CSMD3: variants seen among roughly 807,000 people sequenced by gnomAD.
The protein encoded by CSMD3 is CUB and Sushi multiple domains 3, also known as CUB and sushi domain-containing protein 3.
A neutral mutation model predicts 435.2 loss-of-function variants in CSMD3; 177 were observed. That is an observed-to-expected ratio of 0.41 (90% confidence interval 0.36 to 0.46). The LOEUF (loss-of-function observed/expected upper bound fraction) is 0.46, where lower values mean the gene tolerates loss of function less well. CSMD3 is among the 20% of genes least tolerant of loss of function. The pLI is 0.34. For missense variants in CSMD3, 4,265 were observed against 4,504.6 expected (o/e 0.95, Z 1.52); for synonymous variants, 1,656 against 1,520.5 (o/e 1.09, Z -2.07).
At chr8:112,955,407 C>T (rs934138806) in intron 7 of CSMD3, among the ~76,000 whole-genome samples, 1 of 151,640 alleles carries the variant, frequency 6.6e-6, no homozygotes, top group Admixed American at 6.6e-5. Flanking sequence ...AGTAGTTGTA[C>T]ATATTTATGG....
intron 1 of CSMD3, among the ~76,000 whole-genome samples, chr8:113,428,512 A>G (rs1248007305): frequency 6.6e-6 from 1 of 151,768 alleles, no homozygotes; most frequent in Non-Finnish European, 1.5e-5. Context: ...TCGAAAATGG[A>G]GATAACAATC....
chr8:113,134,788 G>A (rs2091372546), intron 4 of CSMD3, among the ~76,000 whole-genome samples: 2 of 151,910 alleles, frequency 1.3e-5, no homozygotes, highest in African/African-American at 2.4e-5. Context: ...ATTTTAAAAA[G>A]GGGTTTATTT....
chr8:113,157,033 T>TTCACTA (rs1339658144), intron 4 of CSMD3, among the ~76,000 whole-genome samples: 2 of 67,234 alleles, frequency 3.0e-5, no homozygotes, highest in Non-Finnish European at 4.8e-5. Context: ...AACCCATTAG[T>TTCACTA]TTACTAACAA....
At chr8:113,410,901 G>GAAAGAA (rs953415397) in intron 1 of CSMD3, among the ~76,000 whole-genome samples, 2 of 5,864 alleles carry the variant, frequency 3.4e-4, no homozygotes, top group Non-Finnish European at 6.2e-4. Context: ...AAAACCCTGT[G>GAAAGAA]AAAGAAAGAA....
intron 12 of CSMD3, among the ~76,000 whole-genome samples, chr8:112,814,025 A>G (rs947154103): frequency 6.6e-6 from 1 of 152,180 alleles, no homozygotes; most frequent in African/African-American, 2.4e-5. Flanking sequence ...TCTTGCACTT[A>G]TCAAATAGGC....
intron 1 of CSMD3, among the ~76,000 whole-genome samples, chr8:113,333,873 T>C (rs2094047694): frequency 6.6e-6 from 1 of 151,920 alleles, no homozygotes; most frequent in African/African-American, 2.4e-5. Flanking sequence ...AATTGCTGTT[T>C]CACTACAAGA....
intron 5 of CSMD3, among the ~76,000 whole-genome samples, chr8:113,027,286 C>A (rs1398784108): frequency 2.0e-5 from 3 of 151,926 alleles, no homozygotes; most frequent in Non-Finnish European, 4.4e-5. Flanking sequence ...CATGTCTGAA[C>A]AAGAATGCAT....
chr8:113,349,452 TC>T (rs2094174911), intron 1 of CSMD3, among the ~76,000 whole-genome samples: 1 of 152,050 alleles, frequency 6.6e-6, no homozygotes, highest in South Asian at 2.1e-4. Flanking sequence ...ACTATATGCC[TC>T]AAGAATATCT....
chr8:112,742,949 G>T (rs1349947513), intron 13 of CSMD3, among the ~76,000 whole-genome samples: 1 of 151,930 alleles, frequency 6.6e-6, no homozygotes, highest in African/African-American at 2.4e-5. Flanking sequence ...TTGGTTTAGT[G>T]CTTTTCTGCT....
intron 3 of CSMD3, among the ~76,000 whole-genome samples, chr8:113,224,503 A>C (rs1197215879): frequency 1.3e-5 from 2 of 151,354 alleles, no homozygotes; most frequent in Admixed American, 1.3e-4. Context: ...TTGTATTTTC[A>C]TTTAATCTAC....
intron 5 of CSMD3, among the ~76,000 whole-genome samples, chr8:113,062,348 AAT>A (rs1388647562): frequency 6.6e-6 from 1 of 151,914 alleles, no homozygotes; most frequent in African/African-American, 2.4e-5. Context: ...TTATTCAGAC[AAT>A]ATATGTGGTA....
rs1161905174 is a variant in CSMD3, at chr8:112,981,748, C to T, written c.1031-5600G>A. ...ATGTTTATATGCAAGATAAGGATCT[C>T]AAATTATGAATTGCTAGAAATTTTA... On this transcript the variant is annotated intron_variant, in intron 6 of 70. Coordinates refer to ENST00000297405, the MANE Select transcript of CSMD3 (RefSeq NM_198123.2). Among the ~76,000 whole-genome samples, 3 of 151,586 alleles carry T rather than the reference C, an allele frequency of 2.0e-5. No individual in the cohort carries two copies. The East Asian group carries it at 5.8e-4, about 29-fold the overall frequency.
At chr8:112,444,081 T>G (rs2130531705) in intron 32 of CSMD3, among the ~76,000 whole-genome samples, 1 of 152,328 alleles carries the variant, frequency 6.6e-6, no homozygotes, top group Non-Finnish European at 1.5e-5. Context: ...ACATTATTTT[T>G]TGGATTCACT....
intron 9 of CSMD3, among the ~76,000 whole-genome samples, chr8:112,930,826 T>C (rs1280943583): frequency 6.6e-6 from 1 of 152,108 alleles, no homozygotes; most frequent in Non-Finnish European, 1.5e-5. Flanking sequence ...TTTTATACAC[T>C]GGAAGGACCA....
At chr8:112,598,456 C>T (rs1175548966) in intron 22 of CSMD3, among the ~76,000 whole-genome samples, 10 of 147,336 alleles carry the variant, frequency 6.8e-5, no homozygotes, top group South Asian at 4.4e-4. Context: ...AGGTAATTTA[C>T]AGATTCAATG....
intron 4 of CSMD3, among the ~76,000 whole-genome samples, chr8:113,104,696 T>G (rs927024990): frequency 2.6e-5 from 4 of 152,100 alleles, no homozygotes; most frequent in African/African-American, 9.7e-5. Flanking sequence ...TGAAGGAAAT[T>G]AAAGATTCTC....
At chr8:112,851,670 A>G (rs1229853250) in intron 11 of CSMD3, among the ~76,000 whole-genome samples, 2 of 151,962 alleles carry the variant, frequency 1.3e-5, no homozygotes, top group Admixed American at 1.3e-4. Context: ...AGGCAGAGAC[A>G]GGAGAATTGC....
intron 7 of CSMD3, among the ~76,000 whole-genome samples, chr8:112,963,320 T>C (rs1396667498): frequency 6.6e-6 from 1 of 151,988 alleles, no homozygotes; most frequent in Non-Finnish European, 1.5e-5. Context: ...CATTCGGAAA[T>C]AATCCTTTGT....
intron 38 of CSMD3, among the ~76,000 whole-genome samples, chr8:112,366,733 T>C (rs1827818308): frequency 6.6e-6 from 1 of 152,130 alleles, no homozygotes; most frequent in Admixed American, 6.6e-5. Context: ...TGGCTCCTTT[T>C]GACTTCCTTT....
Sources: gnomAD v4.1 joint callset for allele counts (sites outside exome capture counted in the v4.1 genomes callset) on GRCh38, gnomAD v4.1.1 for gene constraint, MANE v1.5 for transcripts, NCBI Gene and HGNC (gene_info 2026-07-23, HGNC 2026-07-21) for gene names.